IL1RAPL1: variants seen among roughly 807,000 people sequenced by gnomAD.
IL1RAPL1 encodes interleukin 1 receptor accessory protein like 1.
Under a neutral mutation model 48.4 loss-of-function variants are expected in IL1RAPL1, and 3 were observed. The observed-to-expected ratio is 0.06, with a 90% confidence interval of 0.03 to 0.16. The LOEUF (loss-of-function observed/expected upper bound fraction) is 0.16, where lower values mean the gene tolerates loss of function less well. Ranked by LOEUF, IL1RAPL1 falls within the 10% of genes least tolerant of loss-of-function variation. The probability of loss-of-function intolerance (pLI) is 1.00; values close to 1 mark genes in which losing one functional copy is unlikely to be tolerated. For missense variants in IL1RAPL1, 349 were observed against 530.6 expected (o/e 0.66, Z 3.36); for synonymous variants, 185 against 187.7 (o/e 0.99, Z 0.12).
At chrX:28,654,646 C>T (rs197015) in intron 1 of IL1RAPL1, among the ~76,000 whole-genome samples, 43,774 of 110,757 alleles carry the variant, frequency 0.4, 6,426 homozygotes, top group South Asian at 0.55. Flanking sequence ...TTGGTCCATA[C>T]GTGGATAGAA....
intron 2 of IL1RAPL1, among the ~76,000 whole-genome samples, chrX:29,107,497 G>A (rs1928471739): frequency 9.0e-6 from 1 of 111,650 alleles, no homozygotes; most frequent in Admixed American, 9.5e-5. Context: ...ATAGTTATCA[G>A]TAGGAAAAGA....
chrX:29,280,637 G>A (rs1932186808), intron 2 of IL1RAPL1, among the ~76,000 whole-genome samples: 1 of 112,162 alleles, frequency 8.9e-6, no homozygotes, highest in Admixed American at 9.5e-5. Flanking sequence ...TGCTGAGCTG[G>A]TTAGCAGGCA....
rs1256037738 is a variant in IL1RAPL1 at position 29,391,867 on chromosome X, A to C, written c.363-4391A>C. 5.4e-5 allele frequency among the ~76,000 whole-genome samples: 6 copies of C among 111,910 alleles called. No homozygotes were observed. The East Asian group carries it at 1.7e-3, about 32-fold the overall frequency. Reference sequence around the variant, plus strand: ...AGATGTGAGTTCTAACCCCATTTCTACCACTAATTAGATAATAGAATTCGA... The same window carrying C: ...AGATGTGAGTTCTAACCCCATTTCTCCCACTAATTAGATAATAGAATTCGA... On this transcript the variant is annotated intron_variant, in intron 3 of 10. Transcript: ENST00000378993.
intron 2 of IL1RAPL1, among the ~76,000 whole-genome samples, chrX:28,909,594 T>C (rs954946808): frequency 3.6e-5 from 4 of 111,884 alleles, no homozygotes; most frequent in South Asian, 3.7e-4. Flanking sequence ...TAAGAAGATA[T>C]TGAATTTCTG....
intron 1 of IL1RAPL1, among the ~76,000 whole-genome samples, chrX:28,592,189 G>T (rs1174545958): frequency 8.9e-6 from 1 of 111,798 alleles, no homozygotes; most frequent in African/African-American, 3.2e-5. Context: ...AGTTGCTTTT[G>T]AATAACATTC....
At chrX:28,768,843 T>C (rs1228946013) in intron 1 of IL1RAPL1, among the ~76,000 whole-genome samples, 5 of 96,563 alleles carry the variant, frequency 5.2e-5, no homozygotes, top group Non-Finnish European at 1.0e-4. Context: ...TATATATATA[T>C]ATATATATGG....
intron 6 of IL1RAPL1, among the ~76,000 whole-genome samples, chrX:29,913,181 T>C (rs775348106): frequency 6.3e-5 from 7 of 111,156 alleles, no homozygotes; most frequent in South Asian, 3.8e-4. Flanking sequence ...ATTGACTCCA[T>C]TGGACTCCTA....
In IL1RAPL1 at chrX:28,789,659, A is replaced by G. The variant is rs148509675; in HGVS notation, c.82+234A>G. Among the ~76,000 whole-genome samples, 1,759 of 112,359 alleles carry G rather than the reference A, an allele frequency of 0.016. 46 individuals are homozygous for G. The highest frequency in any genetic ancestry group is 0.054 in the African/African-American group (1,683 of 30,947). On this transcript the variant is annotated intron_variant, in intron 2 of 10. Coordinates refer to ENST00000378993, the MANE Select transcript of IL1RAPL1 (RefSeq NM_014271.4). ...GATTACTATGAATTGGCATGGATTC[A>G]ATAGCAAAGCCTTGTATTTAGATTT...
At chrX:29,015,670 G>A (rs1926225474) in intron 2 of IL1RAPL1, among the ~76,000 whole-genome samples, 1 of 110,378 alleles carries the variant, frequency 9.1e-6, no homozygotes, top group Non-Finnish European at 1.9e-5. Context: ...TCATAGAAAG[G>A]ACAAGAAATA....
chrX:29,432,058 TA>T (rs1393673171), intron 5 of IL1RAPL1, among the ~76,000 whole-genome samples: 1 of 111,286 alleles, frequency 9.0e-6, no homozygotes, highest in Non-Finnish European at 1.9e-5. Context: ...AGGACAACAA[TA>T]AAAAAATAAT....
intron 6 of IL1RAPL1, among the ~76,000 whole-genome samples, chrX:29,688,304 A>G (rs1418776683): frequency 9.0e-6 from 1 of 110,824 alleles, no homozygotes; most frequent in Non-Finnish European, 1.9e-5. Context: ...GGCTGTCTAC[A>G]TTATTTGTCT....
At chrX:29,868,431 G>A (rs1356827358) in intron 6 of IL1RAPL1, among the ~76,000 whole-genome samples, 2 of 111,779 alleles carry the variant, frequency 1.8e-5, no homozygotes, top group African/African-American at 6.5e-5. Context: ...TACACTGTGA[G>A]GCACCCAGCA....
At chrX:29,219,582 T>C (rs1340238541) in intron 2 of IL1RAPL1, among the ~76,000 whole-genome samples, 1 of 111,696 alleles carries the variant, frequency 9.0e-6, no homozygotes, top group Non-Finnish European at 1.9e-5. Flanking sequence ...TCCCTTCTTA[T>C]CTGGACTGTT....
chrX:28,704,424 ACAC>A lies in IL1RAPL1; in HGVS notation c.-24-84895_-24-84893del, dbSNP rs2146931558. Reference sequence around the variant, plus strand: ...ATTAATTCATTTAAAACACACAAACACACACACACACACACACACACACACACA... The same window carrying A: ...ATTAATTCATTTAAAACACACAAACAACACACACACACACACACACACACA... On this transcript the variant is annotated intron_variant, in intron 1 of 10. Transcript: ENST00000378993. Among the ~76,000 whole-genome samples, 4 of 25,395 alleles carry A rather than the reference ACAC, an allele frequency of 1.6e-4. No homozygotes were observed. The Admixed American group carries it at 1.8e-3, about 11-fold the overall frequency. The allele number at this position is 25,395 out of a possible 115,157, so 22.1% of individuals were successfully genotyped here.
chrX:28,826,197 A>G (rs1936993824), intron 2 of IL1RAPL1, among the ~76,000 whole-genome samples: 1 of 111,924 alleles, frequency 8.9e-6, no homozygotes, highest in African/African-American at 3.2e-5. Context: ...AAGAAAATTT[A>G]TATCATTCTT....
At chrX:29,255,336 C>T (rs1245500171) in intron 2 of IL1RAPL1, among the ~76,000 whole-genome samples, 2 of 109,605 alleles carry the variant, frequency 1.8e-5, no homozygotes, top group Non-Finnish European at 3.8e-5. Flanking sequence ...CTGAATCAGG[C>T]CTCCCCAGAA....
intron 5 of IL1RAPL1, among the ~76,000 whole-genome samples, chrX:29,431,723 T>TTAGAA (rs1364450188): frequency 9.0e-6 from 1 of 110,855 alleles, no homozygotes; most frequent in African/African-American, 3.3e-5. Context: ...TTTTTGCTAC[T>TTAGAA]ACATTTATCC....
chrX:28,928,772 C>T (rs1177579179), intron 2 of IL1RAPL1, among the ~76,000 whole-genome samples: 1 of 111,994 alleles, frequency 8.9e-6, no homozygotes, highest in Non-Finnish European at 1.9e-5. Context: ...AACTTATGCT[C>T]TCTAAAATCT....
Position 29,445,451 on chromosome X carries a change from C to T in IL1RAPL1, c.703+46143C>T, listed in dbSNP as rs367787811. Among the ~76,000 whole-genome samples the T allele has an allele frequency of 2.0e-4, 22 of 112,186 alleles. No individual in the cohort carries two copies. In the East Asian group the frequency reaches 5.6e-3, roughly 29 times the overall value. On this transcript the variant is annotated intron_variant, in intron 5 of 10. Transcript: ENST00000378993. The stretch of plus-strand genomic sequence containing the variant: ...CTTTAACTTTTACTTACCAGTAGGA[C>T]GCCATTTTCTCTTTGGGAACCCCAC...
Sources: gnomAD v4.1 joint callset for allele counts (sites outside exome capture counted in the v4.1 genomes callset) on GRCh38, gnomAD v4.1.1 for gene constraint, MANE v1.5 for transcripts, NCBI Gene and HGNC (gene_info 2026-07-23, HGNC 2026-07-21) for gene names.